The following PGPEP1 variants were observed in gnomAD, a reference collection of about 807,000 sequenced individuals.
PGPEP1 encodes the protein pyroglutamyl-peptidase 1.
PGPEP1 carries 15 observed loss-of-function variants against 24.1 expected under a neutral mutation model. The observed-to-expected ratio is 0.62, with a 90% CI of 0.42 to 0.96. The LOEUF (loss-of-function observed/expected upper bound fraction) is 0.96, where lower values mean the gene tolerates loss of function less well. PGPEP1 is among the 40% of genes least tolerant of loss of function. PGPEP1 has a pLI of 0.00. For synonymous variants in PGPEP1, 122 were observed against 116.4 expected, an observed-to-expected ratio of 1.05 and a Z score of -0.31; for missense variants, 242 against 273.4, an observed-to-expected ratio of 0.89 and a Z score of 0.81.
Position 18,340,629 on chromosome 19 carries a change from G to C in PGPEP1, c.-53G>C. 1 of 1,486,628 alleles carries C rather than the reference G, an allele frequency of 6.7e-7. No individual in the cohort carries two copies. Among genetic ancestry groups the C allele is most frequent in the Non-Finnish European group, 9.0e-7 (1 of 1,114,608 alleles). 92.1% of individuals were successfully genotyped at this position (1,486,628 alleles called of 1,614,324 possible). On this transcript the variant is annotated 5_prime_UTR_variant, in exon 1 of 5. Transcript: ENST00000269919. The stretch of plus-strand genomic sequence containing the variant: ...CGGCCGAGAGGCTGCAGCGGCAGCA[G>C]CTGTCGCGCCAGTCGCAACAGAAGC...
In PGPEP1 at chr19:18,363,544, G is replaced by A. The variant is rs759138974; in HGVS notation, c.591G>A (p.Glu197=). The A allele has an allele frequency of 1.2e-6, 2 of 1,614,058 alleles. No individual in the cohort carries two copies. Among genetic ancestry groups the A allele is most frequent in the South Asian group, 1.1e-5 (1 of 91,060 alleles). Residue 197 remains glutamate, a synonymous_variant, in exon 5 of 5, where the codon GAG becomes GAA. Transcript: ENST00000269919. ...TTGAGGAGATGTTGGACCTCCTGGA[G>A]CAGTCAGAGGGCAAAATCAACTATT... The part of the protein sequence containing the change: ...AIIEEMLDLL[E]QSEGKINYCH...
At chr19:18,344,778 C>A (rs1281348199) in intron 2 of PGPEP1, among the ~76,000 whole-genome samples, 1 of 152,142 alleles carries the variant, frequency 6.6e-6, no homozygotes, top group Non-Finnish European at 1.5e-5. Flanking sequence ...CAGGAGCCTT[C>A]ACGGGGCTGA....
chr19:18,367,596 G>T lies in PGPEP1; in HGVS notation c.*4013G>T, dbSNP rs1432553745. 1.3e-5 allele frequency: 2 copies of T among 152,054 alleles called. No individual in the cohort carries two copies. The allele number at this position is 152,054 out of a possible 1,614,324, so 9.4% of individuals were successfully genotyped here. Reference sequence around the variant, plus strand: ...AGGTCAGTTGCATGCGTGTGGGGATGTAGCTCAAAAAAGAAATAAGATGGA... The same window carrying T: ...AGGTCAGTTGCATGCGTGTGGGGATTTAGCTCAAAAAAGAAATAAGATGGA... On this transcript the variant is annotated 3_prime_UTR_variant, in exon 5 of 5. Transcript: ENST00000269919.
At chr19:18,351,898 G>T (rs58547189) in intron 2 of PGPEP1, among the ~76,000 whole-genome samples, 5 of 151,684 alleles carry the variant, frequency 3.3e-5, no homozygotes, top group Non-Finnish European at 5.9e-5. Context: ...GCCAAGGGGG[G>T]GCTGATCACT....
intron 2 of PGPEP1, among the ~76,000 whole-genome samples, chr19:18,350,663 G>A (rs1269606613): frequency 6.6e-6 from 1 of 152,244 alleles, no homozygotes; most frequent in Non-Finnish European, 1.5e-5. Context: ...AGTTTCTGAG[G>A]TGGAGTATTA....
At position 18,342,891 on chromosome 19, in the gene PGPEP1, G is replaced by C. The variant is rs750512082; in HGVS notation, c.67G>C (p.Ala23Pro). The change falls in exon 2 of 5, where the codon GCC becomes CCC. Residue 23 changes from alanine (A) to proline (P), a missense_variant. Physicochemically the swap from Ala to Pro is conservative, Grantham distance 27 (BLOSUM62 -1). Transcript: ENST00000269919. The stretch of plus-strand genomic sequence containing the variant: ...CCCTTTTGGGGAACACACCGTGAAC[G>C]CCAGTTGGATTGCAGTTCAGGTAAC... Reference protein sequence around the residue: ...FGPFGEHTVNASWIAVQELEK... With the variant: ...FGPFGEHTVNPSWIAVQELEK... 3 of 1,613,752 alleles carry C rather than the reference G, an allele frequency of 1.9e-6. No individual in the cohort carries two copies. The highest frequency in any genetic ancestry group is 1.7e-6 in the Non-Finnish European group (2 of 1,179,668).
chr19:18,358,253 C>CTTTTTTTTT (rs58979840), intron 4 of PGPEP1, among the ~76,000 whole-genome samples: 1 of 64,482 alleles, frequency 1.6e-5, no homozygotes, highest in Non-Finnish European at 2.8e-5. Context: ...TCCAGTATGA[C>CTTTTTTTTT]TTTTTTTTTT....
intron 3 of PGPEP1, 101 bp from the exon 4 acceptor site, chr19:18,357,282 G>C: frequency 2.6e-6 from 2 of 778,446 alleles, no homozygotes; most frequent in Non-Finnish European, 4.3e-6. Flanking sequence ...CACAACCCCA[G>C]GCAGAGCTCA....
In PGPEP1 at chr19:18,363,551, G is replaced by A. The variant is rs764659334; in HGVS notation, c.598G>A (p.Glu200Lys). 1.9e-6 allele frequency: 3 copies of A among 1,613,994 alleles called. No individual in the cohort carries two copies. The Admixed American group carries it at 5.0e-5, about 27-fold the overall frequency. Reference protein sequence around the residue: ...EEMLDLLEQSEGKINYCHKH With the variant: ...EEMLDLLEQSKGKINYCHKH ...GATGTTGGACCTCCTGGAGCAGTCA[G>A]AGGGCAAAATCAACTATTGCCACAA... The change falls in exon 5 of 5, where the codon GAG (glutamate) becomes AAG (lysine). Residue 200 changes from glutamate to lysine, a missense_variant. By Grantham distance (56) the Glu-to-Lys change is moderately conservative. Transcript: ENST00000269919.
chr19:18,360,458 GT>G (rs1600222798), intron 4 of PGPEP1, among the ~76,000 whole-genome samples: 2 of 151,688 alleles, frequency 1.3e-5, no homozygotes, highest in Admixed American at 1.3e-4. Context: ...TTGGGCTTAG[GT>G]GATCCTCCCA....
intron 2 of PGPEP1, among the ~76,000 whole-genome samples, chr19:18,347,270 C>CTTTT (rs59936417): frequency 0.22 from 20,848 of 93,316 alleles, 3,178 homozygotes; most frequent in African/African-American, 0.27. Flanking sequence ...TTCTTTCTTT[C>CTTTT]TTTTTTTTTT....
chr19:18,349,243 G>A (rs1600202794), intron 2 of PGPEP1, among the ~76,000 whole-genome samples: 1 of 151,888 alleles, frequency 6.6e-6, no homozygotes, highest in African/African-American at 2.4e-5. Flanking sequence ...GGGCAGTGGT[G>A]CAATCTCAGC....
chr19:18,356,271 A>T (rs1372177230), intron 3 of PGPEP1, among the ~76,000 whole-genome samples: 1 of 151,820 alleles, frequency 6.6e-6, no homozygotes, highest in Non-Finnish European at 1.5e-5. Flanking sequence ...TGTCTCTACT[A>T]AAAATACAAA....
chr19:18,341,390 C>T (rs368283888), intron 1 of PGPEP1, among the ~76,000 whole-genome samples: 1 of 152,200 alleles, frequency 6.6e-6, no homozygotes, highest in African/African-American at 2.4e-5. Flanking sequence ...TTTCTCCTCC[C>T]TGAGACTCCG....
Position 18,340,672 on chromosome 19 carries a change from C to T in PGPEP1, c.-10C>T, listed in dbSNP as rs761885894. ...ACAGAAGCAGGTCCGAGGCACAGCC[C>T]GATCCCGCCATGGAGCAGCCGAGGA... On this transcript the variant is annotated 5_prime_UTR_variant, in exon 1 of 5. Coordinates refer to ENST00000269919, the MANE Select transcript of PGPEP1 (RefSeq NM_017712.4). The T allele has an allele frequency of 1.2e-5, 19 of 1,541,348 alleles. No homozygotes were observed. The highest frequency in any genetic ancestry group is 1.6e-5 in the Non-Finnish European group (18 of 1,146,524).
chr19:18,350,868 C>T (rs888876618), intron 2 of PGPEP1, among the ~76,000 whole-genome samples: 7 of 151,956 alleles, frequency 4.6e-5, no homozygotes, highest in South Asian at 2.1e-4. Context: ...AAGGCTGCAG[C>T]GAGCGCTGAT....
chr19:18,352,430 CAAAAA>C (rs368742529), intron 2 of PGPEP1, among the ~76,000 whole-genome samples: 1 of 137,620 alleles, frequency 7.3e-6, no homozygotes, highest in Non-Finnish European at 1.6e-5. Flanking sequence ...TAATCCATCT[CAAAAA>C]AAAAAAAGAA....
In PGPEP1 at chr19:18,342,839, T is replaced by A. The variant is rs776078756; in HGVS notation, c.35-20T>A. ...GAAGGGCCACTCTTGGGTAATATATTGCTTTTCCTGTTTTTTCAGGATTTG... is the reference window on the plus strand; with the variant it reads ...GAAGGGCCACTCTTGGGTAATATATAGCTTTTCCTGTTTTTTCAGGATTTG... On this transcript the variant is annotated intron_variant, in intron 1 of 4. Coordinates refer to ENST00000269919, the MANE Select transcript of PGPEP1 (RefSeq NM_017712.4). 14 of 1,607,820 alleles carry A rather than the reference T, an allele frequency of 8.7e-6. No homozygotes were observed. The South Asian group carries it at 1.3e-4, about 15-fold the overall frequency.
At chr19:18,341,357 C>G (rs1418490741) in intron 1 of PGPEP1, among the ~76,000 whole-genome samples, 3 of 152,008 alleles carry the variant, frequency 2.0e-5, no homozygotes, top group Non-Finnish European at 4.4e-5. Flanking sequence ...GTCACCGACT[C>G]CCCCCCACCC....
Sources: allele counts gnomAD v4.1 joint callset (sites outside exome capture counted in the v4.1 genomes callset), GRCh38; gene constraint gnomAD v4.1.1; transcripts MANE v1.5; gene names NCBI Gene and HGNC (gene_info 2026-07-23, HGNC 2026-07-21).